The following EYA2 variants were observed in gnomAD, a reference collection of about 807,000 sequenced individuals.
EYA2 encodes protein phosphatase EYA2.
Under a neutral mutation model 69.2 loss-of-function variants are expected in EYA2, and 31 were observed. The observed-to-expected ratio is 0.45, with a 90% CI of 0.34 to 0.60. The LOEUF is 0.60. Ranked by LOEUF, EYA2 falls within the 20% of genes least tolerant of loss-of-function variation. The probability of loss-of-function intolerance (pLI) is 0.02; values close to 1 mark genes in which losing one functional copy is unlikely to be tolerated. For missense variants in EYA2, 622 were observed against 701.2 expected (o/e 0.89, Z 1.28); for synonymous variants, 257 against 279.4 (o/e 0.92, Z 0.80).
rs962022031 is a variant in EYA2 at position 46,920,155 on chromosome 20, C to T, written c.-11+25168C>T. Among the ~76,000 whole-genome samples, 14 of 151,876 alleles carry T rather than the reference C, an allele frequency of 9.2e-5. 1 individual carries two copies. Among genetic ancestry groups the T allele is most frequent in the Admixed American group, 7.9e-4 (12 of 15,256 alleles). ...AAACTTTGAAATATTGAGAGAATTACCAAACTGTGACACAGAGACATGAAA... is the reference window on the plus strand; with the variant it reads ...AAACTTTGAAATATTGAGAGAATTATCAAACTGTGACACAGAGACATGAAA... On this transcript the variant is annotated intron_variant, in intron 1 of 15. Transcript: ENST00000327619.
chr20:46,900,512 A>G (rs755153303), intron 1 of EYA2, among the ~76,000 whole-genome samples: 1 of 152,252 alleles, frequency 6.6e-6, no homozygotes. Flanking sequence ...GGGTTTGTCA[A>G]GAAAGAAAAT....
At chr20:47,099,483 C>G (rs2032361711) in intron 9 of EYA2, among the ~76,000 whole-genome samples, 1 of 152,208 alleles carries the variant, frequency 6.6e-6, no homozygotes, top group Admixed American at 6.5e-5. Flanking sequence ...CACCACTGCA[C>G]TCTAGCCTGG....
chr20:47,061,181 C>A (rs1159900368), intron 5 of EYA2, among the ~76,000 whole-genome samples: 2 of 152,150 alleles, frequency 1.3e-5, no homozygotes, highest in South Asian at 4.2e-4. Context: ...TCTCCTTCTT[C>A]CCTTGTCTCT....
At chr20:47,123,968 T>G (rs2033115317) in intron 9 of EYA2, among the ~76,000 whole-genome samples, 3 of 142,266 alleles carry the variant, frequency 2.1e-5, no homozygotes, top group Non-Finnish European at 3.0e-5. Flanking sequence ...GGTGACAGAG[T>G]GAGATTCCAT....
Position 47,042,637 on chromosome 20 carries a change from G to A in EYA2, c.415+26340G>A, listed in dbSNP as rs372599025. Among the ~76,000 whole-genome samples the A allele has an allele frequency of 3.3e-5, 5 of 152,180 alleles. No homozygotes were observed. In the East Asian group the frequency reaches 7.7e-4, roughly 23 times the overall value. ...TCAAAGAACCCACAGCACCTGGCAC[G>A]CATTATCAGTTAGAGTTCATTCAGC... On this transcript the variant is annotated intron_variant, in intron 5 of 15. Coordinates refer to ENST00000327619, the MANE Select transcript of EYA2 (RefSeq NM_005244.5).
chr20:46,969,802 A>G (rs1407106722), intron 1 of EYA2, among the ~76,000 whole-genome samples: 1 of 152,166 alleles, frequency 6.6e-6, no homozygotes, highest in African/African-American at 2.4e-5. Context: ...GGGCAAGGGA[A>G]TGTGCTTCAG....
At chr20:47,139,714 C>T (rs2033555299) in intron 9 of EYA2, among the ~76,000 whole-genome samples, 1 of 152,154 alleles carries the variant, frequency 6.6e-6, no homozygotes, top group South Asian at 2.1e-4. Flanking sequence ...CAGGTGTGAG[C>T]CACTGCACCC....
chr20:47,169,119 CTCTG>C lies in EYA2; in HGVS notation c.979-17_979-14del. 6.2e-7 allele frequency: 1 copy of C among 1,610,752 alleles called. No individual in the cohort carries two copies. The highest frequency in any genetic ancestry group is 8.5e-7 in the Non-Finnish European group (1 of 1,177,590). ...AGGCATGTTCTCTCTCTCTCTCTCTCTCTGTCAAATTTTCCATAGGATTGTGACC... is the reference window on the plus strand; with the variant it reads ...AGGCATGTTCTCTCTCTCTCTCTCTCTCAAATTTTCCATAGGATTGTGACC... On this transcript the variant is annotated splice_polypyrimidine_tract_variant and intron_variant, in intron 10 of 15. Transcript: ENST00000327619.
rs549484617 is a variant in EYA2 at position 47,061,401 on chromosome 20, T to G, written c.416-10784T>G. Among the ~76,000 whole-genome samples, 3 of 152,188 alleles carry G rather than the reference T, an allele frequency of 2.0e-5. No individual in the cohort carries two copies. The East Asian group carries it at 5.8e-4, about 30-fold the overall frequency. On this transcript the variant is annotated intron_variant, in intron 5 of 15. Coordinates refer to ENST00000327619, the MANE Select transcript of EYA2 (RefSeq NM_005244.5). Reference sequence around the variant, plus strand: ...AAAACATTAGCTGGGCATGGTGTCATGTGCCCGTAGTCCCAGCTACTCGGG... The same window carrying G: ...AAAACATTAGCTGGGCATGGTGTCAGGTGCCCGTAGTCCCAGCTACTCGGG...
intron 11 of EYA2, 94 bp from the exon 12 acceptor site, chr20:47,172,613 C>T: frequency 7.1e-7 from 1 of 1,404,916 alleles, no homozygotes. Context: ...CACCCAAAAG[C>T]CCACCCGTGG....
chr20:47,006,856 C>G (rs1260857647), intron 4 of EYA2, among the ~76,000 whole-genome samples: 1 of 152,160 alleles, frequency 6.6e-6, no homozygotes, highest in Admixed American at 6.5e-5. Flanking sequence ...CCACGTTACT[C>G]CCTTGAATTA....
chr20:47,080,649 C>A (rs1449976141), intron 7 of EYA2, among the ~76,000 whole-genome samples: 1 of 152,076 alleles, frequency 6.6e-6, no homozygotes, highest in African/African-American at 2.4e-5. Context: ...TAAAGACACA[C>A]CTGAAACTGA....
At chr20:47,159,204 T>G (rs368524124) in intron 10 of EYA2, among the ~76,000 whole-genome samples, 1 of 152,000 alleles carries the variant, frequency 6.6e-6, no homozygotes. Flanking sequence ...GAAGACCACC[T>G]GAGCCAGGTG....
rs574159184 is a variant in EYA2 at position 47,110,729 on chromosome 20, A to G, written c.888+13561A>G. Reference sequence around the variant, plus strand: ...GGACAAATATTTGTTGAATAAACAAATAAACAAAGGGCTGCCAGGTAGGGA... The same window carrying G: ...GGACAAATATTTGTTGAATAAACAAGTAAACAAAGGGCTGCCAGGTAGGGA... On this transcript the variant is annotated intron_variant, in intron 9 of 15. Coordinates refer to ENST00000327619, the MANE Select transcript of EYA2 (RefSeq NM_005244.5). Among the ~76,000 whole-genome samples, 122 of 152,374 alleles carry G rather than the reference A, an allele frequency of 8.0e-4. 1 individual carries two copies. In the South Asian group the frequency reaches 0.025, roughly 31 times the overall value.
At chr20:47,124,104 C>A (rs1367496018) in intron 9 of EYA2, among the ~76,000 whole-genome samples, 1 of 152,092 alleles carries the variant, frequency 6.6e-6, no homozygotes, top group East Asian at 1.9e-4. Context: ...TTTATTTGGG[C>A]AGAGCCTTCA....
Position 47,038,815 on chromosome 20 carries a change from G to A in EYA2, c.415+22518G>A, listed in dbSNP as rs1423505637. 3.3e-5 allele frequency among the ~76,000 whole-genome samples: 5 copies of A among 152,236 alleles called. No homozygotes were observed. The East Asian group carries it at 9.7e-4, about 29-fold the overall frequency. On this transcript the variant is annotated intron_variant, in intron 5 of 15. Coordinates refer to ENST00000327619, the MANE Select transcript of EYA2 (RefSeq NM_005244.5). Reference sequence around the variant, plus strand: ...CACCGAGGACTTCCTGTTTCTAAGAGTGTGAGTACTTTAGATACCTCACGT... The same window carrying A: ...CACCGAGGACTTCCTGTTTCTAAGAATGTGAGTACTTTAGATACCTCACGT...
intron 1 of EYA2, among the ~76,000 whole-genome samples, chr20:46,932,478 C>T (rs1204924213): frequency 1.3e-5 from 2 of 152,240 alleles, no homozygotes; most frequent in African/African-American, 4.8e-5. Context: ...ATTGTAATTC[C>T]CATGTGCCAA....
intron 4 of EYA2, among the ~76,000 whole-genome samples, chr20:47,013,908 C>G (rs1371179688): frequency 1.3e-5 from 2 of 152,138 alleles, no homozygotes; most frequent in African/African-American, 2.4e-5. Context: ...GCATAAAACC[C>G]CTTCACACCT....
At chr20:47,005,234 A>G in intron 4 of EYA2, 150 bp downstream of exon 4, 3 of 904,364 alleles carry the variant, frequency 3.3e-6, no homozygotes, top group Non-Finnish European at 3.3e-6. Context: ...CACTTTAAAT[A>G]TGGTTCAAAT....
Sources: gnomAD v4.1 joint callset for allele counts (sites outside exome capture counted in the v4.1 genomes callset) on GRCh38, gnomAD v4.1.1 for gene constraint, MANE v1.5 for transcripts, NCBI Gene and HGNC (gene_info 2026-07-23, HGNC 2026-07-21) for gene names.